The following RASGRP3 variants were observed in gnomAD, a reference collection of about 807,000 sequenced individuals.
RASGRP3 encodes the protein RAS guanyl releasing protein 3, also known as ras guanyl-releasing protein 3.
In RASGRP3, 54 loss-of-function variants were observed where a neutral mutation model predicts 82.7. The ratio of observed to expected loss-of-function variants is 0.65; its 90% CI spans 0.52 to 0.82. The LOEUF (loss-of-function observed/expected upper bound fraction) is 0.82, where lower values mean the gene tolerates loss of function less well. RASGRP3 is among the 40% of genes least tolerant of loss of function. The pLI is 0.00. For missense variants in RASGRP3, 861 were observed against 828.9 expected (o/e 1.04, Z -0.48); for synonymous variants, 309 against 300.5 (o/e 1.03, Z -0.29).
chr2:33,561,547 G>C (rs1480325002), intron 17 of RASGRP3, among the ~76,000 whole-genome samples: 1 of 151,318 alleles, frequency 6.6e-6, no homozygotes, highest in African/African-American at 2.4e-5. Context: ...TAAGGAAGAA[G>C]GGAAAAAAAA....
At chr2:33,519,722 C>A (rs1269539903) in intron 4 of RASGRP3, among the ~76,000 whole-genome samples, 1 of 152,170 alleles carries the variant, frequency 6.6e-6, no homozygotes, top group Non-Finnish European at 1.5e-5. Flanking sequence ...CAAAACTAAT[C>A]CTGTAAGTGG....
intron 1 of RASGRP3, among the ~76,000 whole-genome samples, chr2:33,502,204 G>A (rs2150982290): frequency 6.6e-6 from 1 of 152,218 alleles, no homozygotes; most frequent in Non-Finnish European, 1.5e-5. Flanking sequence ...ACAAGCTAGA[G>A]GAAGGAGAAG....
intron 2 of RASGRP3, among the ~76,000 whole-genome samples, chr2:33,454,752 T>G (rs530829563): frequency 6.6e-6 from 1 of 152,304 alleles, no homozygotes; most frequent in African/African-American, 2.4e-5. Flanking sequence ...GCAGACATAT[T>G]ACACTTGAAA....
At chr2:33,453,811 C>G (rs1665913349) in intron 2 of RASGRP3, among the ~76,000 whole-genome samples, 1 of 152,120 alleles carries the variant, frequency 6.6e-6, no homozygotes, top group Non-Finnish European at 1.5e-5. Context: ...TTATTTTTCT[C>G]CTTTGTACTT....
rs1226142751 is a variant in RASGRP3 at position 33,563,473 on chromosome 2, C to CTT, written c.*737_*738dup. ...CATGGTCGTGAAAGCTCTCCTAATA[C>CTT]TTACTTAAATAGCCATGGAAGAAAA... is the stretch of plus-strand genomic sequence containing the variant. On this transcript the variant is annotated 3_prime_UTR_variant, in exon 18 of 18. Coordinates refer to ENST00000403687, the MANE Select transcript of RASGRP3 (RefSeq NM_001139488.2). The CTT allele has an allele frequency of 6.6e-6, 1 of 152,142 alleles. No individual in the cohort carries two copies. Among genetic ancestry groups the CTT allele is most frequent in the Non-Finnish European group, 1.5e-5 (1 of 68,006 alleles). The allele number at this position is 152,142 out of a possible 1,614,324, so 9.4% of individuals were successfully genotyped here.
At chr2:33,562,675 C>CTTAT (rs1225873401) in intron 17 of RASGRP3, 54 bp from the exon 18 acceptor site, 3 of 1,594,974 alleles carry the variant, frequency 1.9e-6, no homozygotes, top group Non-Finnish European at 2.6e-6. Flanking sequence ...TAGGAACACT[C>CTTAT]TTATTTTGTT....
At chr2:33,494,186 G>A (rs1669103699) in intron 1 of RASGRP3, among the ~76,000 whole-genome samples, 1 of 152,132 alleles carries the variant, frequency 6.6e-6, no homozygotes, top group Non-Finnish European at 1.5e-5. Context: ...CTTGAAAAGT[G>A]GACATATTCT....
At chr2:33,503,962 T>C (rs1670117124) in intron 1 of RASGRP3, among the ~76,000 whole-genome samples, 3 of 152,202 alleles carry the variant, frequency 2.0e-5, no homozygotes, top group South Asian at 2.1e-4. Flanking sequence ...CTTTCATTTA[T>C]TTGTGCCTTT....
intron 1 of RASGRP3, among the ~76,000 whole-genome samples, chr2:33,497,646 T>C (rs866222501): frequency 2.0e-5 from 3 of 152,244 alleles, no homozygotes; most frequent in Non-Finnish European, 4.4e-5. Flanking sequence ...CATTTCTAAA[T>C]GTATCTACTG....
At chr2:33,516,689 C>G in intron 4 of RASGRP3, 45 bp downstream of exon 4, 1 of 1,311,542 alleles carries the variant, frequency 7.6e-7, no homozygotes, top group Non-Finnish European at 1.1e-6. Context: ...ATAAATCAAG[C>G]TCTGTATTTA....
At chr2:33,550,246 A>G (rs1013686683) in intron 14 of RASGRP3, among the ~76,000 whole-genome samples, 12 of 152,228 alleles carry the variant, frequency 7.9e-5, no homozygotes, top group Non-Finnish European at 1.3e-4. Context: ...CTTGACGGTA[A>G]CAAAGTACTT....
chr2:33,508,657 A>T (rs573382529), intron 1 of RASGRP3, among the ~76,000 whole-genome samples: 3 of 152,346 alleles, frequency 2.0e-5, no homozygotes, highest in African/African-American at 7.2e-5. Flanking sequence ...TCTGACGTTT[A>T]TCGAGAGGAG....
chr2:33,488,367 T>G (rs1420434969), intron 1 of RASGRP3, among the ~76,000 whole-genome samples: 1 of 152,224 alleles, frequency 6.6e-6, no homozygotes, highest in East Asian at 1.9e-4. Context: ...CATCACTCCT[T>G]ACCTCTAACA....
intron 2 of RASGRP3, among the ~76,000 whole-genome samples, chr2:33,469,885 C>A (rs1666954295): frequency 6.6e-6 from 1 of 152,150 alleles, no homozygotes; most frequent in African/African-American, 2.4e-5. Flanking sequence ...ATAGTTTATT[C>A]TTTTCCCACT....
intron 2 of RASGRP3, among the ~76,000 whole-genome samples, chr2:33,464,934 C>T (rs1666604399): frequency 6.6e-6 from 1 of 152,184 alleles, no homozygotes; most frequent in Admixed American, 6.5e-5. Context: ...CCTTCCTATT[C>T]CCTGAGACAC....
intron 1 of RASGRP3, among the ~76,000 whole-genome samples, chr2:33,441,345 C>G (rs146512339): frequency 4.0e-5 from 6 of 151,832 alleles, no homozygotes; most frequent in African/African-American, 1.2e-4. Flanking sequence ...TAAATTAGAT[C>G]GTGCAATTTT....
intron 1 of RASGRP3, among the ~76,000 whole-genome samples, chr2:33,492,327 C>G (rs1008752698): frequency 6.6e-6 from 1 of 152,078 alleles, no homozygotes; most frequent in Non-Finnish European, 1.5e-5. Context: ...TGCTTCGAGC[C>G]CCCAAGGAAG....
At chr2:33,514,640 G>A (rs773488809) in intron 2 of RASGRP3, among the ~76,000 whole-genome samples, 24 of 151,496 alleles carry the variant, frequency 1.6e-4, no homozygotes, top group Admixed American at 2.6e-4. Context: ...AGCCGAGATC[G>A]CACTACTGCA....
chr2:33,445,827 A>T lies in RASGRP3; in HGVS notation c.-384-1993A>T, dbSNP rs1467937502. On this transcript the variant is annotated intron_variant, in intron 1 of 18. Coordinates refer to the RASGRP3 transcript ENST00000402538. ...CCACCTTGAATTCAAAGCAACAAAC[A>T]CTAGTAAAGAATCCAGGAAGTGCCA... Among the ~76,000 whole-genome samples, 8 of 152,322 alleles carry T rather than the reference A, an allele frequency of 5.3e-5. No individual in the cohort carries two copies. The East Asian group carries it at 1.3e-3, about 26-fold the overall frequency.
Sources: allele counts gnomAD v4.1 joint callset (sites outside exome capture counted in the v4.1 genomes callset), GRCh38; gene constraint gnomAD v4.1.1; transcripts MANE v1.5; gene names NCBI Gene and HGNC (gene_info 2026-07-23, HGNC 2026-07-21).